IQSEC1: variants seen among roughly 807,000 people sequenced by gnomAD.
The protein encoded by IQSEC1 is IQ motif and SEC7 domain-containing protein 1.
Under a neutral mutation model 91.0 loss-of-function variants are expected in IQSEC1, and 31 were observed. That is an observed-to-expected ratio of 0.34 (90% CI 0.26 to 0.46). IQSEC1 has a LOEUF of 0.46. IQSEC1 is among the 20% of genes least tolerant of loss of function. The pLI, the probability that IQSEC1 is intolerant of heterozygous loss-of-function variation, is 1.00. For missense variants in IQSEC1, 1,388 were observed against 1,575.6 expected (o/e 0.88, Z 2.02); for synonymous variants, 699 against 662.6 (o/e 1.05, Z -0.84).
intron 2 of IQSEC1, among the ~76,000 whole-genome samples, chr3:13,126,563 T>C (rs1015031057): frequency 1.3e-5 from 2 of 152,252 alleles, no homozygotes; most frequent in East Asian, 3.8e-4. Context: ...CTCAATCATA[T>C]AGTAGGTGTG....
At chr3:13,047,768 C>A (rs1704554003) in intron 1 of IQSEC1, among the ~76,000 whole-genome samples, 2 of 152,180 alleles carry the variant, frequency 1.3e-5, no homozygotes, top group Non-Finnish European at 2.9e-5. Context: ...GCCCCCTGTT[C>A]AGATGGGGAA....
At chr3:13,129,630 G>T in intron 2 of IQSEC1, among the ~76,000 whole-genome samples, 1 of 146,056 alleles carries the variant, frequency 6.8e-6, no homozygotes, top group African/African-American at 2.5e-5. Flanking sequence ...TTTCTCCTAT[G>T]TACTGCTTTA....
At chr3:12,901,890 G>A (rs544508915) in intron 13 of IQSEC1, among the ~76,000 whole-genome samples, 2 of 152,168 alleles carry the variant, frequency 1.3e-5, no homozygotes, top group Non-Finnish European at 2.9e-5. Flanking sequence ...TGTGTGTGGC[G>A]AGTGCAGAGG....
intron 1 of IQSEC1, among the ~76,000 whole-genome samples, chr3:12,953,515 G>C (rs923217616): frequency 7.9e-5 from 12 of 152,184 alleles, no homozygotes; most frequent in Non-Finnish European, 1.6e-4. Flanking sequence ...TATAGGACTC[G>C]AACAATGAAC....
At chr3:12,914,995 G>C (rs912519238) in intron 8 of IQSEC1, 109 bp downstream of exon 8, 20 of 1,098,242 alleles carry the variant, frequency 1.8e-5, no homozygotes, top group Non-Finnish European at 2.7e-5. Context: ...ATGAACTCAA[G>C]CAGCCAGCAC....
At chr3:13,219,739 C>G (rs1336647715) in intron 1 of IQSEC1, among the ~76,000 whole-genome samples, 1 of 152,250 alleles carries the variant, frequency 6.6e-6, no homozygotes, top group Non-Finnish European at 1.5e-5. Context: ...AGCATGAGGA[C>G]AGTCCGGGCC....
chr3:13,046,815 G>A (rs999300481), intron 1 of IQSEC1, among the ~76,000 whole-genome samples: 5 of 152,176 alleles, frequency 3.3e-5, no homozygotes, highest in East Asian at 3.9e-4. Flanking sequence ...AATTCACATC[G>A]ATGCACCGAA....
chr3:13,116,231 G>C (rs989092403), intron 2 of IQSEC1, among the ~76,000 whole-genome samples: 11 of 152,208 alleles, frequency 7.2e-5, no homozygotes, highest in Non-Finnish European at 1.3e-4. Flanking sequence ...CAGGGCCCAG[G>C]GGCAGCCGAT....
chr3:13,238,656 G>A (rs1694972369), intron 1 of IQSEC1, among the ~76,000 whole-genome samples: 2 of 152,222 alleles, frequency 1.3e-5, no homozygotes, highest in Non-Finnish European at 2.9e-5. Context: ...GCTCAGCAAG[G>A]AGGGGTCAGC....
chr3:13,223,626 C>T (rs935720984), intron 1 of IQSEC1, among the ~76,000 whole-genome samples: 1 of 152,224 alleles, frequency 6.6e-6, no homozygotes, highest in Non-Finnish European at 1.5e-5. Flanking sequence ...CTTCCCCATG[C>T]ACCCATCAGC....
chr3:13,165,050 A>T (rs1393736965), intron 1 of IQSEC1, among the ~76,000 whole-genome samples: 1 of 152,154 alleles, frequency 6.6e-6, no homozygotes, highest in Non-Finnish European at 1.5e-5. Context: ...TGCCTTTCCC[A>T]CTGAACCAAG....
rs1040411211 is a variant in IQSEC1, at chr3:13,193,727, G to A, written c.273-29594C>T. Among the ~76,000 whole-genome samples the A allele has an allele frequency of 6.6e-6, 1 of 152,134 alleles. No homozygotes were observed. The highest frequency in any genetic ancestry group is 2.4e-5 in the African/African-American group (1 of 41,416). ...AGCTTAAGCCTCCCTCCTCCAACGG[G>A]CTCTCCCTGGACACATGCTGTGCTG... On this transcript the variant is annotated intron_variant, in intron 1 of 15. Coordinates refer to the IQSEC1 transcript ENST00000648114. The surrounding 1 kb of genome is among the most constrained non-coding windows in gnomAD (Gnocchi z 4.2).
At chr3:13,040,310 G>C (rs1421709807) in intron 1 of IQSEC1, among the ~76,000 whole-genome samples, 1 of 152,202 alleles carries the variant, frequency 6.6e-6, no homozygotes, top group African/African-American at 2.4e-5. Context: ...CTGGTAATTT[G>C]TGCACCCTCT....
rs1702025943 is a variant in IQSEC1, at chr3:12,992,297, T to C, written c.24-50432A>G. ...ATGCTTAATGGCTGGGCTGTGGGCA[T>C]TGTGGCCACCCCAAGTCACCTCTCA... is the stretch of plus-strand genomic sequence containing the variant. On this transcript the variant is annotated intron_variant, in intron 1 of 13. Transcript: ENST00000613206. The surrounding 1 kb of genome is among the most constrained non-coding windows in gnomAD (Gnocchi z 4.1). 7.3e-6 allele frequency among the ~76,000 whole-genome samples: 1 copy of C among 136,864 alleles called. No homozygotes were observed. The highest frequency in any genetic ancestry group is 8.0e-5 in the Admixed American group (1 of 12,556). 89.8% of individuals were successfully genotyped at this position (136,864 alleles called of 152,430 possible). A position where few individuals can be genotyped will look rare whatever the true frequency, so the allele number is the denominator to read the frequency against.
At chr3:13,196,274 C>G (rs1405920733) in intron 1 of IQSEC1, among the ~76,000 whole-genome samples, 1 of 152,166 alleles carries the variant, frequency 6.6e-6, no homozygotes, top group African/African-American at 2.4e-5. Flanking sequence ...TCAGGTGACC[C>G]CAGCCCAGCC....
intron 1 of IQSEC1, among the ~76,000 whole-genome samples, chr3:13,241,761 G>A (rs1041871061): frequency 4.6e-5 from 7 of 152,386 alleles, no homozygotes; most frequent in Non-Finnish European, 1.0e-4. Context: ...CATCCCAGAG[G>A]GGGATAGCCC....
chr3:12,903,329 G>A (rs1284095036), intron 12 of IQSEC1, among the ~76,000 whole-genome samples: 4 of 152,010 alleles, frequency 2.6e-5, no homozygotes, highest in African/African-American at 4.8e-5. Context: ...GGCAGGACGA[G>A]CACTGAGGGT....
intron 1 of IQSEC1, among the ~76,000 whole-genome samples, chr3:13,234,358 G>A (rs1044309227): frequency 1.4e-5 from 2 of 147,946 alleles, no homozygotes; most frequent in African/African-American, 5.1e-5. Flanking sequence ...GTGCCTATGG[G>A]TGTGAGCACC....
intron 1 of IQSEC1, among the ~76,000 whole-genome samples, chr3:12,961,462 T>C (rs1700237583): frequency 6.6e-6 from 1 of 152,248 alleles, no homozygotes; most frequent in Non-Finnish European, 1.5e-5. Context: ...GTGGGCTGTT[T>C]GGACAGCACG....
Sources: allele counts gnomAD v4.1 joint callset (sites outside exome capture counted in the v4.1 genomes callset), GRCh38; gene constraint gnomAD v4.1.1; non-coding constraint Gnocchi (gnomAD v3.1); transcripts MANE v1.5; gene names NCBI Gene and HGNC (gene_info 2026-07-23, HGNC 2026-07-21).